The following CLMP variants were observed in gnomAD, a reference collection of about 807,000 sequenced individuals.
CLMP encodes CXADR like cell adhesion molecule.
Under a neutral mutation model 45.2 loss-of-function variants are expected in CLMP, and 27 were observed. That is an observed-to-expected ratio of 0.60 (90% CI 0.44 to 0.82). CLMP has a LOEUF of 0.82. Ranked by LOEUF, CLMP falls within the 40% of genes least tolerant of loss-of-function variation. CLMP has a pLI of 0.00. For synonymous variants in CLMP, 167 were observed against 171.4 expected (o/e 0.97, Z 0.20); for missense variants, 403 against 448.4 (o/e 0.90, Z 0.91).
chr11:123,112,487 G>A (rs183912656), intron 1 of CLMP, among the ~76,000 whole-genome samples: 2 of 151,750 alleles, frequency 1.3e-5, no homozygotes, highest in South Asian at 2.1e-4. Context: ...ACAGGTGCCC[G>A]CTACCACGCT....
intron 1 of CLMP, among the ~76,000 whole-genome samples, chr11:123,190,479 C>G (rs2002871): frequency 0.43 from 66,002 of 152,070 alleles, 17,013 homozygotes; most frequent in South Asian, 0.62. Flanking sequence ...CTCATATTTT[C>G]ATTTTACAAA....
chr11:123,152,236 C>T (rs754688846), intron 1 of CLMP, among the ~76,000 whole-genome samples: 3 of 151,926 alleles, frequency 2.0e-5, no homozygotes, highest in African/African-American at 2.4e-5. Context: ...AAAAAGTGTT[C>T]GTGGTGGCCG....
intron 1 of CLMP, among the ~76,000 whole-genome samples, chr11:123,150,535 ACAAGCAAG>A (rs1861317824): frequency 1.0e-5 from 1 of 97,330 alleles, no homozygotes; most frequent in Non-Finnish European, 2.1e-5. Flanking sequence ...AAGGAAAGAA[ACAAGCAAG>A]GAAGGAAGGA....
intron 1 of CLMP, among the ~76,000 whole-genome samples, chr11:123,102,556 G>T (rs1860464707): frequency 6.7e-6 from 1 of 150,066 alleles, no homozygotes; most frequent in Non-Finnish European, 1.5e-5. Context: ...TGGGATTACA[G>T]GTGACAGCCA....
chr11:123,075,676 C>T (rs1470068868), intron 5 of CLMP, among the ~76,000 whole-genome samples: 1 of 151,958 alleles, frequency 6.6e-6, no homozygotes, highest in Non-Finnish European at 1.5e-5. Flanking sequence ...AGTGAGCCAC[C>T]GCGCGCAACC....
At chr11:123,141,277 C>T (rs529638849) in intron 1 of CLMP, among the ~76,000 whole-genome samples, 10 of 147,306 alleles carry the variant, frequency 6.8e-5, no homozygotes, top group African/African-American at 2.5e-4. Context: ...CTCCGCCTCC[C>T]AGGTTCACAC....
rs543388605 is a variant in CLMP at position 123,162,561 on chromosome 11, G to A, written c.28+32352C>T. Among the ~76,000 whole-genome samples, 46 of 152,170 alleles carry A rather than the reference G, an allele frequency of 3.0e-4. No individual in the cohort carries two copies. In the South Asian group the frequency reaches 8.9e-3, roughly 30 times the overall value. On this transcript the variant is annotated intron_variant, in intron 1 of 6. Transcript: ENST00000448775. ...CGTCAGAGGTGCTATGGGGTTTGCTGAGAGAGATGAAGGAGCTTATAGTCC... is the reference window on the plus strand; with the variant it reads ...CGTCAGAGGTGCTATGGGGTTTGCTAAGAGAGATGAAGGAGCTTATAGTCC...
intron 1 of CLMP, among the ~76,000 whole-genome samples, chr11:123,161,126 T>G (rs10892974): frequency 6.6e-6 from 1 of 152,070 alleles, no homozygotes; most frequent in Non-Finnish European, 1.5e-5. Flanking sequence ...GTACTAGGTA[T>G]GTACCAGGTG....
At chr11:123,098,359 C>T (rs1280054251) in intron 1 of CLMP, among the ~76,000 whole-genome samples, 1 of 151,920 alleles carries the variant, frequency 6.6e-6, no homozygotes, top group Non-Finnish European at 1.5e-5. Flanking sequence ...TCGTGAGTAG[C>T]TGGAACTACA....
chr11:123,150,480 A>AAAGAAAGAAAGAAAGAGGAAGG (rs764502298), intron 1 of CLMP, among the ~76,000 whole-genome samples: 3 of 40,962 alleles, frequency 7.3e-5, no homozygotes, highest in Non-Finnish European at 1.4e-4. Context: ...AGAAAGAAAG[A>AAAGAAAGAAAGAAAGAGGAAGG]AAGGAAGGAA....
At chr11:123,148,387 T>C (rs1484671918) in intron 1 of CLMP, among the ~76,000 whole-genome samples, 1 of 152,202 alleles carries the variant, frequency 6.6e-6, no homozygotes, top group Non-Finnish European at 1.5e-5. Flanking sequence ...TGGTCCGCAG[T>C]TGTGGCAGCA....
chr11:123,073,693 A>G lies in CLMP; in HGVS notation c.903T>C (p.Ser301=), dbSNP rs1209466912. The G allele has an allele frequency of 6.2e-7, 1 of 1,614,228 alleles. No individual in the cohort carries two copies. The highest frequency in any genetic ancestry group is 8.5e-7 in the Non-Finnish European group (1 of 1,180,038). ...SSGSRSSRSG[S]SSTRSTANSA... ...TATTTGCTGTGGAGCGAGTGGAGGAAGAACCAGAGCGTGAGCTCCGAGAGC... is the reference window on the plus strand; with the variant it reads ...TATTTGCTGTGGAGCGAGTGGAGGAGGAACCAGAGCGTGAGCTCCGAGAGC... The change falls in exon 7 of 7, where the codon TCT becomes TCC. Residue 301 remains serine, a synonymous_variant. Coordinates refer to ENST00000448775, the MANE Select transcript of CLMP (RefSeq NM_024769.5).
chr11:123,107,533 A>AGTTTTTTTTTTT (rs1860578174), intron 1 of CLMP, among the ~76,000 whole-genome samples: 1 of 113,364 alleles, frequency 8.8e-6, no homozygotes, highest in Non-Finnish European at 1.9e-5. Context: ...ACCTGACCTA[A>AGTTTTTTTTTTT]ATTTTTTTTT....
chr11:123,100,495 G>A (rs1565382104), intron 1 of CLMP, among the ~76,000 whole-genome samples: 1 of 152,076 alleles, frequency 6.6e-6, no homozygotes, highest in Non-Finnish European at 1.5e-5. Flanking sequence ...TTGGGGGTGA[G>A]CTGGGGAGGG....
At chr11:123,140,987 C>T (rs533694525) in intron 1 of CLMP, among the ~76,000 whole-genome samples, 1 of 152,092 alleles carries the variant, frequency 6.6e-6, no homozygotes, top group East Asian at 1.9e-4. Flanking sequence ...AGCCTGGCAT[C>T]CCTCACCTCT....
chr11:123,194,065 A>C (rs1861944814), intron 1 of CLMP, among the ~76,000 whole-genome samples: 1 of 151,044 alleles, frequency 6.6e-6, no homozygotes, highest in African/African-American at 2.4e-5. Flanking sequence ...ATTTCCAGTC[A>C]CTCCGGTGGG....
chr11:123,078,352 C>T (rs1865763662), intron 5 of CLMP, among the ~76,000 whole-genome samples: 3 of 152,094 alleles, frequency 2.0e-5, no homozygotes, highest in Admixed American at 2.0e-4. Flanking sequence ...AGAAACCAGA[C>T]AAAATGGAAT....
intron 1 of CLMP, among the ~76,000 whole-genome samples, chr11:123,167,446 T>C (rs769919226): frequency 3.4e-4 from 51 of 152,014 alleles, no homozygotes; most frequent in Non-Finnish European, 5.7e-4. Context: ...CCACCACGCC[T>C]GGCTAATTTT....
At chr11:123,115,214 ATT>A in intron 1 of CLMP, among the ~76,000 whole-genome samples, 1 of 144,490 alleles carries the variant, frequency 6.9e-6, no homozygotes. Context: ...GCTAATTTAA[ATT>A]TTTTTTTTTT....
Sources: allele counts gnomAD v4.1 joint callset (sites outside exome capture counted in the v4.1 genomes callset), GRCh38; gene constraint gnomAD v4.1.1; transcripts MANE v1.5; gene names NCBI Gene and HGNC (gene_info 2026-07-23, HGNC 2026-07-21).